RAB3IL1: variants seen among roughly 807,000 people sequenced by gnomAD.
RAB3IL1 encodes the protein RAB3A interacting protein like 1.
In RAB3IL1, 37 loss-of-function variants were observed where a neutral mutation model predicts 49.2. That is an observed-to-expected ratio of 0.75 (90% CI 0.58 to 0.99). The LOEUF is 0.99. RAB3IL1 is among the 50% of genes least tolerant of loss of function. The pLI is 0.00. For missense variants in RAB3IL1, 484 were observed against 513.0 expected, an observed-to-expected ratio of 0.94 and a Z score of 0.55; for synonymous variants, 193 against 213.9, an observed-to-expected ratio of 0.90 and a Z score of 0.85.
At chr11:61,913,543 C>T (rs1050157454) in intron 1 of RAB3IL1, among the ~76,000 whole-genome samples, 2 of 152,192 alleles carry the variant, frequency 1.3e-5, no homozygotes. Flanking sequence ...GTCCAGCCCA[C>T]CCCTGGCGGG....
chr11:61,910,558 C>G (rs1939413811), intron 1 of RAB3IL1, among the ~76,000 whole-genome samples: 1 of 152,192 alleles, frequency 6.6e-6, no homozygotes, highest in Admixed American at 6.5e-5. Context: ...GCAGGAGGTG[C>G]TCTAAGAATC....
At chr11:61,931,983 G>A in the RAB3IL1 span, among the ~76,000 whole-genome samples, 2 of 152,184 alleles carry the variant, frequency 1.3e-5, no homozygotes, top group Non-Finnish European at 2.9e-5. Context: ...CAGGCATGGT[G>A]GTTCACACCT....
chr11:61,936,762 AT>A, the RAB3IL1 span, among the ~76,000 whole-genome samples: 7 of 152,244 alleles, frequency 4.6e-5, no homozygotes, highest in South Asian at 1.0e-3. Flanking sequence ...GGGATGATAT[AT>A]TCAGAAAATG....
the RAB3IL1 span, among the ~76,000 whole-genome samples, chr11:61,933,826 T>C: frequency 6.6e-6 from 1 of 152,110 alleles, no homozygotes; most frequent in South Asian, 2.1e-4. Flanking sequence ...GTGCCTGCAG[T>C]CCTAGCTACT....
Position 61,904,596 on chromosome 11 carries a change from C to G in RAB3IL1, c.849G>C (p.Ser283=), listed in dbSNP as rs115202735. The G allele has an allele frequency of 2.9e-5, 47 of 1,613,174 alleles. No homozygotes were observed. The highest frequency in any genetic ancestry group is 6.7e-5 in the African/African-American group (5 of 74,912). ...DNTLTIEPVA[S]QTLPTVKVAE... The stretch of plus-strand genomic sequence containing the variant: ...CCACCTTCACTGTGGGCAGCGTCTG[C>G]GAAGCCACCGGCTCAATGGTGAGCG... Residue 283 remains serine, a synonymous_variant, in exon 7 of 10, where the codon TCG becomes TCC. Coordinates refer to ENST00000394836, the MANE Select transcript of RAB3IL1 (RefSeq NM_013401.4).
At chr11:61,920,163 G>C, upstream of RAB3IL1, 1 of 1,322,602 alleles carries the variant, frequency 7.6e-7, no homozygotes, top group Non-Finnish European at 9.7e-7. Context: ...CTCGGGCGGG[G>C]CACCCAGCGT....
At chr11:61,941,036 T>C in the RAB3IL1 span, among the ~76,000 whole-genome samples, 1 of 151,860 alleles carries the variant, frequency 6.6e-6, no homozygotes, top group Non-Finnish European at 1.5e-5. Flanking sequence ...AGCAGTGAGC[T>C]ATGATCACAC....
chr11:61,899,610 G>A (rs1383997939), intron 8 of RAB3IL1: 5 of 533,564 alleles, frequency 9.4e-6, no homozygotes, highest in East Asian at 6.0e-5. Flanking sequence ...TGCAGCGAAC[G>A]GAGCAGACGC....
upstream of RAB3IL1, among the ~76,000 whole-genome samples, chr11:61,921,053 C>T (rs1276120069): frequency 5.9e-5 from 9 of 152,062 alleles, no homozygotes; most frequent in African/African-American, 1.7e-4. Flanking sequence ...GGCAGGGTCT[C>T]GCTCCGTCAC....
upstream of RAB3IL1, chr11:61,920,364 G>A (rs1190267525): frequency 8.3e-6 from 7 of 843,514 alleles, no homozygotes; most frequent in South Asian, 6.3e-5. Flanking sequence ...CTTCAACCCC[G>A]TAATTATTAA....
upstream of RAB3IL1, among the ~76,000 whole-genome samples, chr11:61,923,875 G>C (rs1939954074): frequency 6.6e-6 from 1 of 152,238 alleles, no homozygotes; most frequent in East Asian, 1.9e-4. Context: ...CAGGGAGAGG[G>C]GAAGCGACTC....
rs1939177328 is a variant in RAB3IL1 at position 61,906,287 on chromosome 11, G to T, written c.657+179C>A. ...ATACCCTGGAGGCTGCAGGCCAAGT[G>T]CCTCAGATCACAGGAGGTTGGAGAG... On this transcript the variant is annotated intron_variant, in intron 5 of 9. Coordinates refer to ENST00000394836, the MANE Select transcript of RAB3IL1 (RefSeq NM_013401.4). This position sits in a 1 kb window ranked among gnomAD's most constrained non-coding sequence, Gnocchi z 4.6. 6.6e-6 allele frequency among the ~76,000 whole-genome samples: 1 copy of T among 152,170 alleles called. No homozygotes were observed. Among genetic ancestry groups the T allele is most frequent in the African/African-American group, 2.4e-5 (1 of 41,442 alleles).
At chr11:61,929,626 G>A in the RAB3IL1 span, among the ~76,000 whole-genome samples, 16 of 149,030 alleles carry the variant, frequency 1.1e-4, no homozygotes, top group South Asian at 1.3e-3. Context: ...TTGCTCTGTC[G>A]CCAGGCTGGA....
chr11:61,917,429 G>A lies in RAB3IL1; in HGVS notation c.-62C>T. ...CGCCGCCGCGTCCTCCCAGCGCCGC[G>A]TCCCCGCCCGCCGCCGACTCCGCCA... On this transcript the variant is annotated 5_prime_UTR_variant, in exon 1 of 10. The change creates a new upstream start codon in the 5' untranslated region. Coordinates refer to ENST00000394836, the MANE Select transcript of RAB3IL1 (RefSeq NM_013401.4). The A allele has an allele frequency of 8.4e-7, 1 of 1,195,784 alleles. No individual in the cohort carries two copies. Among genetic ancestry groups the A allele is most frequent in the East Asian group, 3.6e-5 (1 of 27,580 alleles). The allele number at this position is 1,195,784 out of a possible 1,614,324, so 74.1% of individuals were successfully genotyped here.
At chr11:61,945,586 C>A in the RAB3IL1 span, among the ~76,000 whole-genome samples, 1 of 152,190 alleles carries the variant, frequency 6.6e-6, no homozygotes, top group Non-Finnish European at 1.5e-5. Flanking sequence ...ACTCAACATG[C>A]CCATTTGAGC....
chr11:61,924,953 T>A (rs1202336906), upstream of RAB3IL1, among the ~76,000 whole-genome samples: 2 of 152,132 alleles, frequency 1.3e-5, no homozygotes, highest in Non-Finnish European at 2.9e-5. Flanking sequence ...ATCAGAAACC[T>A]TCGGGGGGAA....
At chr11:61,917,897 C>A (rs920567292), upstream of RAB3IL1, among the ~76,000 whole-genome samples, 1 of 152,090 alleles carries the variant, frequency 6.6e-6, no homozygotes, top group Non-Finnish European at 1.5e-5. Context: ...ACCCTCCCCC[C>A]TCCTCACCCG....
intron 1 of RAB3IL1, among the ~76,000 whole-genome samples, chr11:61,915,025 A>G (rs972601554): frequency 6.6e-6 from 1 of 151,954 alleles, no homozygotes. Flanking sequence ...TTGGCCCCTG[A>G]CTCTAAATCC....
chr11:61,920,050 C>A, upstream of RAB3IL1: 1 of 1,268,642 alleles, frequency 7.9e-7, no homozygotes, highest in Non-Finnish European at 1.0e-6. Flanking sequence ...CCTGTCTGTG[C>A]CCCAGGGCTC....
Sources: allele counts gnomAD v4.1 joint callset (sites outside exome capture counted in the v4.1 genomes callset), GRCh38; gene constraint gnomAD v4.1.1; non-coding constraint Gnocchi (gnomAD v3.1); transcripts MANE v1.5; gene names NCBI Gene and HGNC (gene_info 2026-07-23, HGNC 2026-07-21).